Variants in BMPR1B observed in about 807,000 individuals in gnomAD.
The protein encoded by BMPR1B is bone morphogenetic protein receptor type 1B.
Under a neutral mutation model 59.1 loss-of-function variants are expected in BMPR1B, and 12 were observed. That is an observed-to-expected ratio of 0.20 (90% CI 0.13 to 0.33). BMPR1B has a LOEUF of 0.33. BMPR1B is among the 10% of genes least tolerant of loss of function. BMPR1B has a pLI of 1.00. For synonymous variants in BMPR1B, 237 were observed against 207.3 expected, an observed-to-expected ratio of 1.14 and a Z score of -1.23; for missense variants, 550 against 610.9, an observed-to-expected ratio of 0.90 and a Z score of 1.05.
chr4:94,889,946 G>A (rs1345031964), intron 2 of BMPR1B, among the ~76,000 whole-genome samples: 1 of 151,832 alleles, frequency 6.6e-6, no homozygotes, highest in Admixed American at 6.6e-5. Context: ...GTATTTTTCT[G>A]ACCCCTCCTC....
At chr4:94,956,541 G>T (rs1198272086) in intron 2 of BMPR1B, among the ~76,000 whole-genome samples, 1 of 152,100 alleles carries the variant, frequency 6.6e-6, no homozygotes, top group Non-Finnish European at 1.5e-5. Flanking sequence ...AACTGGTAAA[G>T]CTCATCTCCA....
intron 3 of BMPR1B, among the ~76,000 whole-genome samples, chr4:95,084,739 G>A (rs1447151436): frequency 6.6e-6 from 1 of 152,118 alleles, no homozygotes; most frequent in Non-Finnish European, 1.5e-5. Context: ...TCCTAATCTA[G>A]GCAGGTATGT....
intron 3 of BMPR1B, among the ~76,000 whole-genome samples, chr4:95,046,929 C>T (rs1726101828): frequency 6.6e-6 from 1 of 152,140 alleles, no homozygotes; most frequent in Non-Finnish European, 1.5e-5. Context: ...GTTAAGTGAA[C>T]CTGTGATGAA....
chr4:94,940,587 G>C (rs1159287930), intron 2 of BMPR1B, among the ~76,000 whole-genome samples: 1 of 152,186 alleles, frequency 6.6e-6, no homozygotes, highest in Non-Finnish European at 1.5e-5. Flanking sequence ...CGTGTAAGCT[G>C]TGTTCATTTG....
intron 2 of BMPR1B, among the ~76,000 whole-genome samples, chr4:94,911,661 G>A (rs1262854532): frequency 6.6e-6 from 1 of 152,128 alleles, no homozygotes; most frequent in Non-Finnish European, 1.5e-5. Flanking sequence ...ATTTGCACAA[G>A]TGAATGTAAA....
chr4:94,869,259 ATCAT>A (rs1348930228), intron 1 of BMPR1B, among the ~76,000 whole-genome samples: 3 of 152,204 alleles, frequency 2.0e-5, no homozygotes, highest in African/African-American at 4.8e-5. Flanking sequence ...ATCTAGAATC[ATCAT>A]TCATATATTG....
chr4:95,135,672 T>C (rs1249024227), intron 10 of BMPR1B, among the ~76,000 whole-genome samples: 2 of 152,226 alleles, frequency 1.3e-5, no homozygotes, highest in African/African-American at 2.4e-5. Context: ...TTGTCTGTTA[T>C]TTGTGTATAA....
At chr4:94,817,225 T>C (rs1349122454) in intron 1 of BMPR1B, among the ~76,000 whole-genome samples, 2 of 152,164 alleles carry the variant, frequency 1.3e-5, no homozygotes, top group Admixed American at 1.3e-4. Context: ...GATTATCCAG[T>C]CTCAGGTATT....
At chr4:95,009,329 T>C (rs1213950571) in intron 3 of BMPR1B, among the ~76,000 whole-genome samples, 1 of 152,162 alleles carries the variant, frequency 6.6e-6, no homozygotes, top group Non-Finnish European at 1.5e-5. Flanking sequence ...TTTTTAATAG[T>C]AGTAGTATAC....
intron 1 of BMPR1B, among the ~76,000 whole-genome samples, chr4:94,853,162 T>C (rs1171211339): frequency 2.0e-5 from 3 of 152,142 alleles, no homozygotes; most frequent in Admixed American, 2.0e-4. Context: ...AATGAGCAAA[T>C]GTTTATTACT....
intron 1 of BMPR1B, among the ~76,000 whole-genome samples, chr4:94,845,088 A>T (rs1427437503): frequency 2.2e-5 from 2 of 91,432 alleles, no homozygotes; most frequent in African/African-American, 1.3e-4. Context: ...ACACTAAAAG[A>T]TGAAAAAAAT....
intron 2 of BMPR1B, among the ~76,000 whole-genome samples, chr4:94,953,751 G>A (rs866153121): frequency 1.4e-4 from 22 of 152,134 alleles, no homozygotes; most frequent in Middle Eastern, 6.8e-3. Flanking sequence ...TGCCGTTCTC[G>A]AGGAGTATCT....
chr4:94,918,908 T>C (rs957178336), intron 2 of BMPR1B, among the ~76,000 whole-genome samples: 5 of 142,372 alleles, frequency 3.5e-5, no homozygotes, highest in Non-Finnish European at 8.2e-5. Flanking sequence ...TCCATTATTT[T>C]ATTTATTTAT....
At chr4:95,104,315 T>G in intron 3 of BMPR1B, 93 bp from the exon 4 acceptor site, 2 of 1,403,142 alleles carry the variant, frequency 1.4e-6, no homozygotes, top group Non-Finnish European at 2.0e-6. Flanking sequence ...CTTGAATACT[T>G]CATTTTAAAA....
intron 1 of BMPR1B, among the ~76,000 whole-genome samples, chr4:94,784,685 T>A (rs1436405485): frequency 6.6e-6 from 1 of 152,094 alleles, no homozygotes; most frequent in East Asian, 1.9e-4. Context: ...TGGCATAAAA[T>A]TTATACTGGG....
chr4:94,792,123 T>A (rs1349364254), intron 1 of BMPR1B, among the ~76,000 whole-genome samples: 1 of 152,188 alleles, frequency 6.6e-6, no homozygotes, highest in African/African-American at 2.4e-5. Flanking sequence ...AAGTTTTACC[T>A]TTCTGACGAT....
At chr4:95,026,682 TTCCCCTCCCC>T (rs58113438) in intron 3 of BMPR1B, among the ~76,000 whole-genome samples, 4 of 141,134 alleles carry the variant, frequency 2.8e-5, no homozygotes, top group African/African-American at 8.7e-5. Context: ...AGGAAGATTT[TTCCCCTCCCC>T]TCCCCTCCCC....
intron 3 of BMPR1B, among the ~76,000 whole-genome samples, chr4:95,083,547 G>A (rs931415799): frequency 2.6e-5 from 4 of 152,120 alleles, no homozygotes; most frequent in African/African-American, 7.2e-5. Flanking sequence ...ATAAAAAAGC[G>A]AAAGGAACTG....
chr4:94,946,501 C>A (rs1729713867), intron 2 of BMPR1B, among the ~76,000 whole-genome samples: 1 of 152,100 alleles, frequency 6.6e-6, no homozygotes, highest in Admixed American at 6.5e-5. Context: ...TATAATACAG[C>A]TTCTTACGGA....
Sources: allele counts gnomAD v4.1 joint callset (sites outside exome capture counted in the v4.1 genomes callset), GRCh38; gene constraint gnomAD v4.1.1; transcripts MANE v1.5; gene names NCBI Gene and HGNC (gene_info 2026-07-23, HGNC 2026-07-21).